The following BAHCC1 variants were observed in gnomAD, a reference collection of about 807,000 sequenced individuals.
BAHCC1 encodes BAH and coiled-coil domain-containing protein 1.
Under a neutral mutation model 88.2 loss-of-function variants are expected in BAHCC1, and 43 were observed. The ratio of observed to expected loss-of-function variants is 0.49; its 90% CI spans 0.38 to 0.63. The LOEUF is 0.63. Ranked by LOEUF, BAHCC1 falls within the 20% of genes least tolerant of loss-of-function variation. BAHCC1 has a pLI of 0.00. For synonymous variants in BAHCC1, 1,510 were observed against 745.5 expected (o/e 2.03, Z -16.71); for missense variants, 3,023 against 1,654.8 (o/e 1.83, Z -14.34).
At chr17:81,441,623 C>T (rs1033371979) in intron 4 of BAHCC1, among the ~76,000 whole-genome samples, 5 of 137,208 alleles carry the variant, frequency 3.6e-5, no homozygotes, top group Non-Finnish European at 7.5e-5. Context: ...GGTCACGCCA[C>T]AGCACTGCAG....
intron 2 of BAHCC1, among the ~76,000 whole-genome samples, chr17:81,415,839 C>T (rs1296372344): frequency 2.0e-5 from 3 of 152,234 alleles, no homozygotes; most frequent in East Asian, 1.9e-4. Context: ...GCGGGGACCC[C>T]AGCTCTGGGG....
intron 1 of BAHCC1, among the ~76,000 whole-genome samples, chr17:81,398,494 G>T (rs1349970977): frequency 2.8e-5 from 4 of 144,984 alleles, no homozygotes; most frequent in African/African-American, 1.2e-4. Context: ...AGGCCGCCCG[G>T]TACTGCCCGG....
chr17:81,446,331 C>T (rs782396137), intron 10 of BAHCC1, among the ~76,000 whole-genome samples: 6 of 151,778 alleles, frequency 4.0e-5, no homozygotes, highest in Non-Finnish European at 8.8e-5. Flanking sequence ...GACATGCTGC[C>T]GGCTTGTTCT....
intron 14 of BAHCC1, among the ~76,000 whole-genome samples, chr17:81,453,784 G>T (rs2143601678): frequency 6.6e-6 from 1 of 152,354 alleles, no homozygotes; most frequent in African/African-American, 2.4e-5. Flanking sequence ...TCTTCCCGAG[G>T]GTCAGGGCCC....
chr17:81,459,403 G>A, intron 22 of BAHCC1, 75 bp downstream of exon 22: 1 of 757,718 alleles, frequency 1.3e-6, no homozygotes, highest in East Asian at 2.5e-5. Flanking sequence ...CCTTGGCCTG[G>A]GCCGCAGCCA....
chr17:81,404,651 A>G (rs983204488), intron 2 of BAHCC1, among the ~76,000 whole-genome samples: 1 of 152,252 alleles, frequency 6.6e-6, no homozygotes, highest in Non-Finnish European at 1.5e-5. Flanking sequence ...TACACCTTTA[A>G]GAGTGTTTTA....
At chr17:81,436,255 C>T (rs2064334182) in intron 3 of BAHCC1, among the ~76,000 whole-genome samples, 1 of 152,230 alleles carries the variant, frequency 6.6e-6, no homozygotes, top group South Asian at 2.1e-4. Flanking sequence ...TGCTCACCAG[C>T]CCAGGGGCCA....
rs536844548 is a variant in BAHCC1 at position 81,448,742 on chromosome 17, G to A, written c.3976+894G>A. ...TGGATGAGGCTGCTGGCCCGCACGC[G>A]GCAGGGGTGGTTCCGCAGTGCTGGG... On this transcript the variant is annotated intron_variant, in intron 11 of 27. Coordinates refer to ENST00000675386, the MANE Select transcript of BAHCC1 (RefSeq NM_001377448.1). Among the ~76,000 whole-genome samples, 92 of 152,274 alleles carry A rather than the reference G, an allele frequency of 6.0e-4. 1 individual carries two copies. In the South Asian group the frequency reaches 0.016, roughly 26 times the overall value.
chr17:81,416,088 G>A lies in BAHCC1; in HGVS notation c.179-10712G>A, dbSNP rs188813474. On this transcript the variant is annotated intron_variant, in intron 2 of 27. Transcript: ENST00000675386. ...AGGATGGGTGTATGTGCGTGTGTGC[G>A]TGTGTGTCCATGAGGATGGGTGTGT... 1.3e-4 allele frequency among the ~76,000 whole-genome samples: 20 copies of A among 150,562 alleles called. No individual in the cohort carries two copies. In the East Asian group the frequency reaches 2.6e-3, roughly 19 times the overall value.
chr17:81,408,874 C>T (rs1218949890), intron 2 of BAHCC1, among the ~76,000 whole-genome samples: 3 of 152,216 alleles, frequency 2.0e-5, no homozygotes, highest in Non-Finnish European at 4.4e-5. Flanking sequence ...GTCCTTCTGT[C>T]CCTTCCTATC....
At chr17:81,432,607 C>T (rs1270001992) in intron 3 of BAHCC1, among the ~76,000 whole-genome samples, 1 of 131,254 alleles carries the variant, frequency 7.6e-6, no homozygotes, top group Admixed American at 7.5e-5. Context: ...ACCCAACCTC[C>T]GTCCCCAGCC....
At chr17:81,458,545 C>A in intron 18 of BAHCC1, 76 bp from the exon 19 acceptor site, 1 of 681,760 alleles carries the variant, frequency 1.5e-6, no homozygotes, top group Non-Finnish European at 2.7e-6. Flanking sequence ...CCCCCGCACG[C>A]TGGCCCCTGA....
rs781942918 is a variant in BAHCC1, at chr17:81,458,781, C to T, written c.5449-32C>T. 16 of 759,790 alleles carry T rather than the reference C, an allele frequency of 2.1e-5. No individual in the cohort carries two copies. In the East Asian group the frequency reaches 3.4e-4, roughly 16 times the overall value. 47.1% of individuals were successfully genotyped at this position (759,790 alleles called of 1,614,324 possible). On this transcript the variant is annotated intron_variant, in intron 19 of 27. Coordinates refer to ENST00000675386, the MANE Select transcript of BAHCC1 (RefSeq NM_001377448.1). The stretch of plus-strand genomic sequence containing the variant: ...TGCACCCACCTGCACCCCGCCTGCA[C>T]CCCACCCAAGCCTGACTCCTCTGGC...
chr17:81,448,484 C>T (rs905411659), intron 11 of BAHCC1, among the ~76,000 whole-genome samples: 1 of 152,182 alleles, frequency 6.6e-6, no homozygotes, highest in African/African-American at 2.4e-5. Context: ...TCCCTGCGGT[C>T]CAGTGCTCCC....
chr17:81,449,363 C>CA (rs1555655294), intron 11 of BAHCC1, among the ~76,000 whole-genome samples: 3 of 151,028 alleles, frequency 2.0e-5, no homozygotes, highest in Non-Finnish European at 4.4e-5. Context: ...CTGATCCCTA[C>CA]AAGTGTAGCG....
At chr17:81,407,796 A>G (rs1322714793) in intron 2 of BAHCC1, among the ~76,000 whole-genome samples, 11 of 152,232 alleles carry the variant, frequency 7.2e-5, no homozygotes, top group African/African-American at 2.7e-4. Context: ...AGATGTGGCA[A>G]CATACACCTG....
intron 2 of BAHCC1, among the ~76,000 whole-genome samples, chr17:81,408,343 G>T (rs2063906327): frequency 6.6e-6 from 1 of 152,064 alleles, no homozygotes; most frequent in Non-Finnish European, 1.5e-5. Flanking sequence ...CTCTGCGCCT[G>T]GGGTCCTAGA....
At chr17:81,425,133 G>C (rs1555650142) in intron 2 of BAHCC1, among the ~76,000 whole-genome samples, 1 of 148,334 alleles carries the variant, frequency 6.7e-6, no homozygotes, top group Admixed American at 6.7e-5. Flanking sequence ...GATAGTGGTG[G>C]GTGATGTGGT....
chr17:81,453,297 C>T (rs1183713434), intron 14 of BAHCC1, among the ~76,000 whole-genome samples: 3 of 152,258 alleles, frequency 2.0e-5, no homozygotes, highest in African/African-American at 4.8e-5. Flanking sequence ...CAGTCGTTGG[C>T]GCACTCCCGG....
Sources: allele counts gnomAD v4.1 joint callset (sites outside exome capture counted in the v4.1 genomes callset), GRCh38; gene constraint gnomAD v4.1.1; transcripts MANE v1.5; gene names NCBI Gene and HGNC (gene_info 2026-07-23, HGNC 2026-07-21).